The following ADAM22 variants were observed in gnomAD, a reference collection of about 807,000 sequenced individuals.
ADAM22 encodes ADAM metallopeptidase domain 22.
In ADAM22, 65 loss-of-function variants were observed where a neutral mutation model predicts 144.6. The observed-to-expected ratio is 0.45, with a 90% CI of 0.37 to 0.55. The LOEUF is 0.55. Ranked by LOEUF, ADAM22 falls within the 20% of genes least tolerant of loss-of-function variation. The pLI is 0.00. For missense variants in ADAM22, 974 were observed against 1,184.9 expected, an observed-to-expected ratio of 0.82 and a Z score of 2.61; for synonymous variants, 391 against 412.6, an observed-to-expected ratio of 0.95 and a Z score of 0.63.
At chr7:88,113,996 A>G (rs1163228392) in intron 5 of ADAM22, among the ~76,000 whole-genome samples, 1 of 151,850 alleles carries the variant, frequency 6.6e-6, no homozygotes, top group Non-Finnish European at 1.5e-5. Flanking sequence ...TTTGGGTTTC[A>G]GTTTCCTTAC....
intron 4 of ADAM22, among the ~76,000 whole-genome samples, chr7:88,103,706 C>T (rs1227083592): frequency 6.6e-6 from 1 of 152,084 alleles, no homozygotes; most frequent in African/African-American, 2.4e-5. Context: ...GCCCAAAAGG[C>T]TTTTCTCTTT....
At position 88,151,333 on chromosome 7, in the gene ADAM22, T is replaced by G. The variant is rs766262285; in HGVS notation, c.1681+13T>G. ...ATTTGGGGGCAAAGTAAGTAAATAG[T>G]GTGGCTTGATCATTGTTAAAGCATG... On this transcript the variant is annotated intron_variant, in intron 20 of 31. Coordinates refer to ENST00000413139, the MANE Select transcript of ADAM22 (RefSeq NM_001324418.2). The G allele has an allele frequency of 6.2e-7, 1 of 1,613,962 alleles. No homozygotes were observed. The highest frequency in any genetic ancestry group is 8.5e-7 in the Non-Finnish European group (1 of 1,179,894).
At chr7:88,161,143 C>T (rs1841508509) in intron 22 of ADAM22, among the ~76,000 whole-genome samples, 1 of 150,004 alleles carries the variant, frequency 6.7e-6, no homozygotes, top group Non-Finnish European at 1.5e-5. Context: ...ACCCCCCCAC[C>T]CAAAAAAAAT....
intron 3 of ADAM22, among the ~76,000 whole-genome samples, chr7:88,072,801 G>GT (rs1485057826): frequency 6.6e-6 from 1 of 152,200 alleles, no homozygotes; most frequent in Non-Finnish European, 1.5e-5. Flanking sequence ...ATCTGGGGAA[G>GT]TTTTTAAGAC....
intron 2 of ADAM22, among the ~76,000 whole-genome samples, chr7:87,958,674 G>A (rs1039278406): frequency 5.3e-5 from 8 of 152,086 alleles, no homozygotes; most frequent in Admixed American, 1.3e-4. Context: ...GTGAACCACC[G>A]TGCCCGGCCG....
intron 2 of ADAM22, among the ~76,000 whole-genome samples, chr7:87,943,530 A>AT (rs1486993412): frequency 4.6e-5 from 7 of 152,134 alleles, no homozygotes; most frequent in Non-Finnish European, 8.8e-5. Flanking sequence ...AACATGCTGT[A>AT]TTTTTTAAAA....
Position 88,181,567 on chromosome 7 carries a change from T to G in ADAM22, c.2558T>G (p.Ile853Ser), listed in dbSNP as rs747123006. ...RIPDTKHISD[I>S]CENGRPRSNS... ...CCAGACACAAAACATATTTCAGACA[T>G]CTGTGAAAATGGGCGACCTCGAAGT... The change falls in exon 28 of 32, where the codon ATC becomes AGC. Residue 853 changes from isoleucine to serine, a missense_variant. Ile to Ser is a moderately radical substitution (Grantham distance 142). Coordinates refer to ENST00000413139, the MANE Select transcript of ADAM22 (RefSeq NM_001324418.2). 6.2e-7 allele frequency: 1 copy of G among 1,613,830 alleles called. No individual in the cohort carries two copies. The highest frequency in any genetic ancestry group is 8.5e-7 in the Non-Finnish European group (1 of 1,179,802).
At chr7:87,966,263 A>T (rs1436026320) in intron 2 of ADAM22, among the ~76,000 whole-genome samples, 1 of 152,202 alleles carries the variant, frequency 6.6e-6, no homozygotes, top group Non-Finnish European at 1.5e-5. Flanking sequence ...ATTTTGTTGC[A>T]TCTAAATGTT....
At chr7:87,949,780 A>T (rs1844595354) in intron 2 of ADAM22, among the ~76,000 whole-genome samples, 1 of 151,018 alleles carries the variant, frequency 6.6e-6, no homozygotes, top group Non-Finnish European at 1.5e-5. Context: ...TTTATGGACT[A>T]ACAACCTAAT....
chr7:87,965,684 A>C (rs1321430281), intron 2 of ADAM22, among the ~76,000 whole-genome samples: 2 of 152,208 alleles, frequency 1.3e-5, no homozygotes, highest in Admixed American at 6.5e-5. Flanking sequence ...ATGTCTATAT[A>C]AGCAAATAAA....
chr7:88,193,246 G>A lies in ADAM22; in HGVS notation c.2874+7G>A, dbSNP rs929947129. ...GAACCGACAAAGTGCCAGGGTATGT[G>A]GAAACCTCTTCCATGTGCGTACATG... is the stretch of plus-strand genomic sequence containing the variant. On this transcript the variant is annotated splice_region_variant and intron_variant, in intron 31 of 31. Transcript: ENST00000413139. 1 of 1,613,328 alleles carries A rather than the reference G, an allele frequency of 6.2e-7. No individual in the cohort carries two copies. Among genetic ancestry groups the A allele is most frequent in the Admixed American group, 1.7e-5 (1 of 59,926 alleles).
chr7:87,939,243 T>G (rs1279826473), intron 2 of ADAM22, among the ~76,000 whole-genome samples: 1 of 152,078 alleles, frequency 6.6e-6, no homozygotes, highest in East Asian at 1.9e-4. Flanking sequence ...AGGGTGAGCA[T>G]ATCCAACCAA....
intron 3 of ADAM22, among the ~76,000 whole-genome samples, chr7:88,039,877 T>G (rs528873234): frequency 6.6e-6 from 1 of 151,930 alleles, no homozygotes; most frequent in Admixed American, 6.6e-5. Context: ...TCCTCAAAAC[T>G]CTTAATAGTA....
chr7:88,149,742 T>C (rs568727541), intron 18 of ADAM22, among the ~76,000 whole-genome samples: 1 of 152,332 alleles, frequency 6.6e-6, no homozygotes, highest in South Asian at 2.1e-4. Flanking sequence ...AAAACTCTCT[T>C]ACTGTTGGTT....
intron 22 of ADAM22, 122 bp from the exon 23 acceptor site, chr7:88,162,890 G>A: frequency 1.0e-6 from 1 of 958,718 alleles, no homozygotes; most frequent in Non-Finnish European, 1.6e-6. Context: ...TTATGCTACT[G>A]GTCTTTAATA....
At chr7:88,045,557 AT>A (rs1804418109) in intron 3 of ADAM22, among the ~76,000 whole-genome samples, 1 of 152,166 alleles carries the variant, frequency 6.6e-6, no homozygotes, top group South Asian at 2.1e-4. Flanking sequence ...TGGTGAGAAC[AT>A]TTCACCATTT....
At chr7:87,934,912 G>C (rs769426801) in intron 1 of ADAM22, 114 bp from the exon 2 acceptor site, 1 of 1,440,574 alleles carries the variant, frequency 6.9e-7, no homozygotes, top group Non-Finnish European at 9.7e-7. Context: ...GAGGGAGGGG[G>C]CGGTGGGGAT....
At chr7:88,021,243 C>T (rs536584194) in intron 3 of ADAM22, among the ~76,000 whole-genome samples, 1 of 152,286 alleles carries the variant, frequency 6.6e-6, no homozygotes, top group South Asian at 2.1e-4. Flanking sequence ...GAGGCTCTTT[C>T]CTACCTTGGC....
At chr7:87,947,683 A>G (rs888908712) in intron 2 of ADAM22, among the ~76,000 whole-genome samples, 1 of 152,202 alleles carries the variant, frequency 6.6e-6, no homozygotes, top group African/African-American at 2.4e-5. Flanking sequence ...CTATTTATTC[A>G]TAATCAATTT....
Sources: gnomAD v4.1 joint callset for allele counts (sites outside exome capture counted in the v4.1 genomes callset) on GRCh38, gnomAD v4.1.1 for gene constraint, MANE v1.5 for transcripts, NCBI Gene and HGNC (gene_info 2026-07-23, HGNC 2026-07-21) for gene names.